FBXL7: variants seen among roughly 807,000 people sequenced by gnomAD.
The protein encoded by FBXL7 is F-box/LRR-repeat protein 7.
Under a neutral mutation model 38.3 loss-of-function variants are expected in FBXL7, and 12 were observed. The ratio of observed to expected loss-of-function variants is 0.31; its 90% confidence interval spans 0.20 to 0.51. The LOEUF (loss-of-function observed/expected upper bound fraction) is 0.51, where lower values mean the gene tolerates loss of function less well. Among genes scored for constraint, FBXL7 ranks in the 20% least tolerant of loss-of-function variants. The pLI is 0.98. For synonymous variants in FBXL7, 297 were observed against 300.9 expected, an observed-to-expected ratio of 0.99 and a Z score of 0.13; for missense variants, 567 against 676.4, an observed-to-expected ratio of 0.84 and a Z score of 1.79.
chr5:15,626,544 CTG>C (rs71603784), intron 2 of FBXL7, among the ~76,000 whole-genome samples: 3,559 of 147,902 alleles, frequency 0.024, 141 homozygotes, highest in African/African-American at 0.076. Context: ...AATTCGTTTC[CTG>C]TGTGTGTGTG....
At chr5:15,638,080 TGC>T (rs1468810527) in intron 2 of FBXL7, among the ~76,000 whole-genome samples, 1 of 152,210 alleles carries the variant, frequency 6.6e-6, no homozygotes, top group Non-Finnish European at 1.5e-5. Context: ...ATGCATTTGA[TGC>T]CAATGTCACC....
At chr5:15,746,441 G>A (rs567644721) in intron 2 of FBXL7, among the ~76,000 whole-genome samples, 1 of 152,248 alleles carries the variant, frequency 6.6e-6, no homozygotes, top group South Asian at 2.1e-4. Context: ...CACAGTTCTG[G>A]AGGCTGAGAA....
intron 1 of FBXL7, among the ~76,000 whole-genome samples, chr5:15,539,361 T>G (rs187307425): frequency 6.6e-6 from 1 of 152,198 alleles, no homozygotes; most frequent in Non-Finnish European, 1.5e-5. Context: ...AAAGCCCAGG[T>G]TGAGGATGCT....
chr5:15,680,020 G>A lies in FBXL7; in HGVS notation c.127+63948G>A, dbSNP rs577986912. 5.9e-5 allele frequency among the ~76,000 whole-genome samples: 9 copies of A among 152,270 alleles called. No homozygotes were observed. In the East Asian group the frequency reaches 1.4e-3, roughly 23 times the overall value. On this transcript the variant is annotated intron_variant, in intron 2 of 3. Transcript: ENST00000504595. ...AAGGTTAGATCACCAAAGTTAAGAC[G>A]TGACACAAGTTTTAATTGAGCTTTT... is the stretch of plus-strand genomic sequence containing the variant.
intron 2 of FBXL7, among the ~76,000 whole-genome samples, chr5:15,857,901 A>G (rs1372090705): frequency 6.6e-6 from 1 of 152,166 alleles, no homozygotes; most frequent in African/African-American, 2.4e-5. Context: ...ATATGTGTAT[A>G]ATTATTGAAT....
At chr5:15,579,582 G>T (rs1477115215) in intron 1 of FBXL7, among the ~76,000 whole-genome samples, 1 of 152,174 alleles carries the variant, frequency 6.6e-6, no homozygotes, top group East Asian at 1.9e-4. Context: ...TCATTGTGTG[G>T]CAGCATGTTC....
intron 2 of FBXL7, among the ~76,000 whole-genome samples, chr5:15,726,335 C>CTGG (rs1744351330): frequency 6.6e-6 from 1 of 152,174 alleles, no homozygotes; most frequent in Admixed American, 6.5e-5. Context: ...GGAGGATTGC[C>CTGG]TGGAGCAAGG....
chr5:15,828,223 T>C (rs1212519150), intron 2 of FBXL7, among the ~76,000 whole-genome samples: 1 of 152,222 alleles, frequency 6.6e-6, no homozygotes, highest in African/African-American at 2.4e-5. Flanking sequence ...CAGTGCTATG[T>C]AGGTATTGTT....
chr5:15,738,330 T>C (rs1296724387), intron 2 of FBXL7, among the ~76,000 whole-genome samples: 2 of 152,212 alleles, frequency 1.3e-5, no homozygotes, highest in South Asian at 4.1e-4. Context: ...GCTATCCAAA[T>C]ATTTGTAACT....
intron 1 of FBXL7, among the ~76,000 whole-genome samples, chr5:15,576,144 G>T (rs1359963141): frequency 1.4e-5 from 2 of 140,028 alleles, no homozygotes; most frequent in African/African-American, 2.7e-5. Context: ...GTGCAATGGC[G>T]TGATCTTGGC....
At chr5:15,657,647 A>C (rs904063138) in intron 2 of FBXL7, among the ~76,000 whole-genome samples, 4 of 152,136 alleles carry the variant, frequency 2.6e-5, no homozygotes, top group African/African-American at 9.7e-5. Context: ...CAGCCTGGCC[A>C]ACATGGTGAA....
At chr5:15,633,522 C>G (rs536376681) in intron 2 of FBXL7, among the ~76,000 whole-genome samples, 1 of 151,984 alleles carries the variant, frequency 6.6e-6, no homozygotes, top group African/African-American at 2.4e-5. Context: ...GCACATACTT[C>G]CAACACATTT....
intron 2 of FBXL7, among the ~76,000 whole-genome samples, chr5:15,867,129 A>G (rs1739750850): frequency 1.3e-5 from 2 of 152,212 alleles, no homozygotes; most frequent in Admixed American, 1.3e-4. Context: ...ATCCTTTAGG[A>G]TAAAGTTTCA....
intron 2 of FBXL7, among the ~76,000 whole-genome samples, chr5:15,890,728 C>G (rs146702663): frequency 6.6e-6 from 1 of 152,004 alleles, no homozygotes; most frequent in African/African-American, 2.4e-5. Context: ...TCTCTGGTGC[C>G]GAAAAGGCTG....
At chr5:15,830,861 A>C (rs564085152) in intron 2 of FBXL7, among the ~76,000 whole-genome samples, 236 of 152,190 alleles carry the variant, frequency 1.6e-3, no homozygotes, top group African/African-American at 4.4e-3. Context: ...GCTCAACTCC[A>C]AATCCTCTCC....
intron 2 of FBXL7, among the ~76,000 whole-genome samples, chr5:15,835,988 T>C (rs1336649000): frequency 2.0e-5 from 3 of 152,202 alleles, no homozygotes; most frequent in Non-Finnish European, 4.4e-5. Context: ...AATTTATTTT[T>C]CCACTAATAC....
At position 15,795,497 on chromosome 5, in the gene FBXL7, C is replaced by T. The variant is rs79812536; in HGVS notation, c.128-132393C>T. ...GGAATTCTAAAAAAGGTATGCCTACCGGCCAGATATTGCAGTTGTCATCTA... is the reference window on the plus strand; with the variant it reads ...GGAATTCTAAAAAAGGTATGCCTACTGGCCAGATATTGCAGTTGTCATCTA... On this transcript the variant is annotated intron_variant, in intron 2 of 3. Coordinates refer to ENST00000504595, the MANE Select transcript of FBXL7 (RefSeq NM_012304.5). 6.7e-3 allele frequency among the ~76,000 whole-genome samples: 1,025 copies of T among 152,190 alleles called. 7 individuals are homozygous for T. Among genetic ancestry groups the T allele is most frequent in the Admixed American group, 0.012 (176 of 15,282 alleles).
intron 1 of FBXL7, among the ~76,000 whole-genome samples, chr5:15,538,933 T>A (rs1283767290): frequency 6.6e-6 from 1 of 152,170 alleles, no homozygotes; most frequent in African/African-American, 2.4e-5. Context: ...TGTGAAATAA[T>A]GTAGATGGAG....
intron 1 of FBXL7, among the ~76,000 whole-genome samples, chr5:15,513,920 T>C (rs1211221008): frequency 6.6e-6 from 1 of 152,216 alleles, no homozygotes; most frequent in African/African-American, 2.4e-5. Flanking sequence ...TCTGTTTTTT[T>C]TCTCTCTCTT....
Sources: allele counts gnomAD v4.1 joint callset (sites outside exome capture counted in the v4.1 genomes callset), GRCh38; gene constraint gnomAD v4.1.1; transcripts MANE v1.5; gene names NCBI Gene and HGNC (gene_info 2026-07-23, HGNC 2026-07-21).